Variants in CEP290 observed in about 807,000 individuals in gnomAD.
The protein encoded by CEP290 is centrosomal protein of 290 kDa.
In CEP290, 317 loss-of-function variants were observed where a neutral mutation model predicts 344.9. The ratio of observed to expected loss-of-function variants is 0.92; its 90% CI spans 0.84 to 1.01. CEP290 has a LOEUF of 1.01. CEP290 is among the 50% of genes least tolerant of loss of function. The probability of loss-of-function intolerance (pLI) is 0.00; values close to 1 mark genes in which losing one functional copy is unlikely to be tolerated. For synonymous variants in CEP290, 932 were observed against 895.8 expected (o/e 1.04, Z -0.72); for missense variants, 2,754 against 2,761.4 (o/e 1.00, Z 0.06).
At chr12:88,073,996 G>A (rs1312473705) in intron 41 of CEP290, among the ~76,000 whole-genome samples, 6 of 151,984 alleles carry the variant, frequency 3.9e-5, no homozygotes, top group Admixed American at 2.6e-4. Flanking sequence ...GGGCCAAGGC[G>A]GGCAGATCAC....
chr12:88,139,519 CT>C lies in CEP290; in HGVS notation c.225del (p.Ala76LeufsTer12). On this transcript the variant is annotated frameshift_variant, in exon 4 of 54. Transcript: ENST00000552810. LOFTEE classifies it high-confidence loss of function. The stretch of plus-strand genomic sequence containing the variant: ...CCAAATTTTGCTTGTTCTTCTCCAG[CT>C]TTTTCTACTTCTTCCAAAGCCAGCT... ...EVELALEEVE[K>X]AGEEQAKFEN... The C allele has an allele frequency of 6.3e-7, 1 of 1,597,086 alleles. No individual in the cohort carries two copies. The highest frequency in any genetic ancestry group is 1.7e-5 in the Admixed American group (1 of 57,888).
chr12:88,134,760 G>T (rs2040261895), intron 6 of CEP290, among the ~76,000 whole-genome samples: 1 of 152,124 alleles, frequency 6.6e-6, no homozygotes, highest in East Asian at 1.9e-4. Flanking sequence ...GAAGTGCCTG[G>T]CACATAGTAA....
At chr12:88,113,624 A>C (rs1431368554) in intron 20 of CEP290, among the ~76,000 whole-genome samples, 1 of 152,082 alleles carries the variant, frequency 6.6e-6, no homozygotes, top group African/African-American at 2.4e-5. Flanking sequence ...TACGCTAAAT[A>C]TGTTCAGATA....
chr12:88,054,464 G>T, intron 50 of CEP290, 51 bp from the exon 51 acceptor site: 1 of 1,339,760 alleles, frequency 7.5e-7, no homozygotes, highest in Non-Finnish European at 1.1e-6. Context: ...GGAAATATGA[G>T]GATTTATAAA....
chr12:88,051,565 C>T (rs2033536223), intron 52 of CEP290: 1 of 152,172 alleles, frequency 6.6e-6, no homozygotes. Context: ...ATTTCCAAAA[C>T]AGTTCTGGTT....
intron 39 of CEP290, 83 bp from the exon 40 acceptor site, chr12:88,078,001 C>T: frequency 1.8e-6 from 1 of 566,646 alleles, no homozygotes; most frequent in South Asian, 2.8e-5. Flanking sequence ...GAAAATATAC[C>T]ATTATAAGAA....
intron 31 of CEP290, among the ~76,000 whole-genome samples, chr12:88,088,680 G>A (rs2036779051): frequency 6.6e-6 from 1 of 152,064 alleles, no homozygotes. Flanking sequence ...AAATTATCAT[G>A]TAACTCTTTT....
At chr12:88,050,509 G>GAGAAC in intron 52 of CEP290, 76 bp from the exon 53 acceptor site, 1 of 638,348 alleles carries the variant, frequency 1.6e-6, no homozygotes, top group South Asian at 2.1e-5. Context: ...ATTTGTTCTA[G>GAGAAC]AGAACAGAGA....
At chr12:88,107,161 A>G (rs1407766357) in intron 23 of CEP290, 63 bp from the exon 24 acceptor site, 1 of 1,019,778 alleles carries the variant, frequency 9.8e-7, no homozygotes, top group Non-Finnish European at 1.4e-6. Context: ...ATAAGAAAAG[A>G]TAACTTCAGA....
chr12:88,053,005 G>T (rs551170151), intron 52 of CEP290, among the ~76,000 whole-genome samples: 2 of 152,276 alleles, frequency 1.3e-5, no homozygotes, highest in Non-Finnish European at 2.9e-5. Flanking sequence ...CCAAGGCTCT[G>T]TGGATGTTTG....
rs576850570 is a variant in CEP290 at position 88,067,554 on chromosome 12, C to T, written c.6135+968G>A. 1.1e-4 allele frequency among the ~76,000 whole-genome samples: 17 copies of T among 152,308 alleles called. No individual in the cohort carries two copies. The East Asian group carries it at 2.5e-3, about 22-fold the overall frequency. ...TCACAGTCCTCCATAGCAGATTCTA[C>T]GGATCTATGTAGTTGTTGTGACTCA... On this transcript the variant is annotated intron_variant, in intron 44 of 53. Transcript: ENST00000552810.
rs755103287 is a variant in CEP290 at position 88,141,333 on chromosome 12, CTCTG to C, written c.-27-3_-27del. On this transcript the variant is annotated splice_acceptor_variant and splice_polypyrimidine_tract_variant and 5_prime_UTR_variant and intron_variant, in exon 2 of 54. Coordinates refer to ENST00000552810, the MANE Select transcript of CEP290 (RefSeq NM_025114.4). LOFTEE classifies it low-confidence loss of function (5UTR_SPLICE). ...CTTGAATTCTTTCACTGTGCTCCAC[CTCTG>C]TAACAAAACAGGTGTATATTAGCAT... is the stretch of plus-strand genomic sequence containing the variant. 3 of 1,492,400 alleles carry C rather than the reference CTCTG, an allele frequency of 2.0e-6. No homozygotes were observed. Among genetic ancestry groups the C allele is most frequent in the Non-Finnish European group, 2.8e-6 (3 of 1,081,214 alleles). 92.4% of individuals were successfully genotyped at this position (1,492,400 alleles called of 1,614,324 possible). A position where few individuals can be genotyped will look rare whatever the true frequency, so the allele number is the denominator to read the frequency against.
intron 44 of CEP290, among the ~76,000 whole-genome samples, chr12:88,067,462 A>G (rs150277928): frequency 2.0e-5 from 3 of 152,280 alleles, no homozygotes; most frequent in Admixed American, 6.5e-5. Flanking sequence ...CTGACGCATC[A>G]GTTACATCGC....
At chr12:88,102,573 A>G (rs2037971868) in intron 26 of CEP290, among the ~76,000 whole-genome samples, 1 of 152,166 alleles carries the variant, frequency 6.6e-6, no homozygotes, top group Admixed American at 6.5e-5. Flanking sequence ...AAATCATGCA[A>G]GTGACCTAAG....
chr12:88,066,123 T>C (rs1227985155), intron 44 of CEP290, among the ~76,000 whole-genome samples: 4 of 152,206 alleles, frequency 2.6e-5, no homozygotes, highest in Non-Finnish European at 5.9e-5. Context: ...TTAATTTTAG[T>C]TGATGTTTCC....
Position 88,060,038 on chromosome 12 carries a change from A to G in CEP290, c.6523-18T>C, listed in dbSNP as rs954082831. The G allele has an allele frequency of 2.1e-5, 31 of 1,509,668 alleles. No individual in the cohort carries two copies. Among genetic ancestry groups the G allele is most frequent in the Non-Finnish European group, 2.7e-5 (30 of 1,127,588 alleles). The allele number at this position is 1,509,668 out of a possible 1,614,324, so 93.5% of individuals were successfully genotyped here. A position where few individuals can be genotyped will look rare whatever the true frequency, so the allele number is the denominator to read the frequency against. ...AATTCAGCCTAGTAAAAAAACAAAC[A>G]AAATAAAAAGTATACATTATCAAAA... On this transcript the variant is annotated intron_variant, in intron 47 of 53. Transcript: ENST00000552810.
At chr12:88,063,331 C>G (rs1314380202) in intron 45 of CEP290, among the ~76,000 whole-genome samples, 1 of 151,620 alleles carries the variant, frequency 6.6e-6, no homozygotes, top group Non-Finnish European at 1.5e-5. Context: ...AAAAAAGATT[C>G]CCATAAATAG....
At chr12:88,113,488 G>A (rs1052264784) in intron 20 of CEP290, among the ~76,000 whole-genome samples, 1 of 151,676 alleles carries the variant, frequency 6.6e-6, no homozygotes, top group African/African-American at 2.4e-5. Context: ...AACAATTATA[G>A]TGTTATTTTA....
rs780870106 is a variant in CEP290 at position 88,093,865 on chromosome 12, G to A, written c.3214C>T (p.Arg1072Trp). Residue 1072 changes from arginine to tryptophan, a missense_variant, in exon 28 of 54, where the codon CGG (arginine) becomes TGG (tryptophan). Coordinates refer to ENST00000552810, the MANE Select transcript of CEP290 (RefSeq NM_025114.4). ...TACATTTTTTGACAATGTTCAGCCCGCTGCCTTTCATTTAATTCCTTCATT... is the reference window on the plus strand; with the variant it reads ...TACATTTTTTGACAATGTTCAGCCCACTGCCTTTCATTTAATTCCTTCATT... ...LEMKELNERQRAEHCQKMYEH... is the reference protein window; with the variant it reads ...LEMKELNERQWAEHCQKMYEH... 2.7e-5 allele frequency: 43 copies of A among 1,612,148 alleles called. No individual in the cohort carries two copies. The highest frequency in any genetic ancestry group is 1.6e-4 in the Middle Eastern group (1 of 6,072).
Sources: allele counts gnomAD v4.1 joint callset (sites outside exome capture counted in the v4.1 genomes callset), GRCh38; gene constraint gnomAD v4.1.1; transcripts MANE v1.5; gene names NCBI Gene and HGNC (gene_info 2026-07-23, HGNC 2026-07-21).